Variants in RGS5 observed in about 807,000 individuals in gnomAD.
The protein encoded by RGS5 is regulator of G protein signaling 5.
RGS5 carries 20 observed loss-of-function variants against 18.9 expected under a neutral mutation model. The ratio of observed to expected loss-of-function variants is 1.06; its 90% CI spans 0.74 to 1.54. The LOEUF is 1.54. Ranked by LOEUF, RGS5 falls within the 40% of genes most tolerant of loss-of-function variation. The pLI is 0.00. For synonymous variants in RGS5, 57 were observed against 76.2 expected (o/e 0.75, Z 1.31); for missense variants, 201 against 211.8 (o/e 0.95, Z 0.32).
intron 1 of RGS5, chr1:163,210,876 T>TACAGA (rs2101670933): frequency 6.6e-6 from 1 of 152,360 alleles, no homozygotes; most frequent in East Asian, 1.9e-4. Context: ...ACGTTGGCTA[T>TACAGA]GCCTGGCTCT....
At chr1:163,265,679 A>C (rs1648557271) in intron 2 of RGS5, among the ~76,000 whole-genome samples, 1 of 152,052 alleles carries the variant, frequency 6.6e-6, no homozygotes. Flanking sequence ...TTCTGTTCCC[A>C]TTATCCTTTG....
At chr1:163,188,927 T>C (rs986253529) in intron 1 of RGS5, among the ~76,000 whole-genome samples, 1 of 121,052 alleles carries the variant, frequency 8.3e-6, no homozygotes, top group African/African-American at 3.2e-5. Context: ...CATACCAGCC[T>C]GGCAACAGAG....
intron 2 of RGS5, 74 bp from the exon 3 acceptor site, chr1:163,162,050 C>T (rs1657821982): frequency 2.1e-6 from 2 of 962,820 alleles, no homozygotes; most frequent in Admixed American, 1.7e-5. Context: ...GCAATAACTA[C>T]TTCCTGTTTC....
intron 2 of RGS5, among the ~76,000 whole-genome samples, chr1:163,240,228 T>C (rs1647752361): frequency 6.6e-6 from 1 of 151,310 alleles, no homozygotes; most frequent in Non-Finnish European, 1.5e-5. Flanking sequence ...AACAGAAAAA[T>C]AGACAAATAA....
upstream of RGS5, among the ~76,000 whole-genome samples, chr1:163,221,224 G>A (rs190183228): frequency 2.8e-3 from 426 of 152,262 alleles, 5 homozygotes; most frequent in Middle Eastern, 0.014. Context: ...GAGACCGGGC[G>A]CGGTGGCTCA....
intron 3 of RGS5, among the ~76,000 whole-genome samples, chr1:163,157,509 A>C (rs1188560604): frequency 6.6e-6 from 1 of 152,186 alleles, no homozygotes; most frequent in African/African-American, 2.4e-5. Flanking sequence ...ATTTTTTAGA[A>C]GCTTGGTACC....
At chr1:163,243,501 G>C (rs1647847253) in intron 2 of RGS5, among the ~76,000 whole-genome samples, 1 of 151,372 alleles carries the variant, frequency 6.6e-6, no homozygotes, top group South Asian at 2.1e-4. Flanking sequence ...CAAAAAATTA[G>C]CCGGGCTTGG....
chr1:163,241,053 T>C (rs1427976924), intron 2 of RGS5, among the ~76,000 whole-genome samples: 1 of 152,190 alleles, frequency 6.6e-6, no homozygotes, highest in Non-Finnish European at 1.5e-5. Flanking sequence ...TTTGGGTTTC[T>C]GCTAACTTGT....
intron 2 of RGS5, among the ~76,000 whole-genome samples, chr1:163,298,883 G>T (rs1250406963): frequency 6.6e-6 from 1 of 152,146 alleles, no homozygotes; most frequent in Non-Finnish European, 1.5e-5. Flanking sequence ...CTCAACAACT[G>T]CTACTATGCA....
intron 1 of RGS5, 26 bp from the exon 2 acceptor site, chr1:163,168,394 T>A: frequency 6.6e-7 from 1 of 1,508,666 alleles, no homozygotes; most frequent in Non-Finnish European, 9.2e-7. Context: ...CAAGGGGAAA[T>A]GAGGACACCA....
rs17362006 is a variant in RGS5 at position 163,199,462 on chromosome 1, T to C, written c.44+3330A>G. 7.3e-3 allele frequency among the ~76,000 whole-genome samples: 1,117 copies of C among 152,310 alleles called. 18 individuals are homozygous for C. The highest frequency in any genetic ancestry group is 6.1e-3 in the Non-Finnish European group (416 of 68,016). On this transcript the variant is annotated intron_variant, in intron 1 of 4. Transcript: ENST00000313961. ...CTTACATGTCATGGAAAAGTTAATC[T>C]TTGTTAATTGTTGAAATTTTCTTAC...
At chr1:163,198,435 T>A (rs1046345547) in intron 1 of RGS5, among the ~76,000 whole-genome samples, 1 of 152,112 alleles carries the variant, frequency 6.6e-6, no homozygotes, top group Non-Finnish European at 1.5e-5. Context: ...TATATTATGA[T>A]GATATTTAGA....
intron 1 of RGS5, among the ~76,000 whole-genome samples, chr1:163,169,349 A>C (rs2102402839): frequency 2.0e-5 from 3 of 152,296 alleles, no homozygotes; most frequent in African/African-American, 7.2e-5. Flanking sequence ...TTATAGCAGC[A>C]TGATTTATAA....
intron 2 of RGS5, among the ~76,000 whole-genome samples, chr1:163,273,783 G>A (rs968887406): frequency 4.6e-5 from 7 of 151,954 alleles, no homozygotes; most frequent in Non-Finnish European, 8.8e-5. Context: ...ATAATATATT[G>A]TATATCAGTA....
chr1:163,173,921 A>G (rs752310082), intron 1 of RGS5, among the ~76,000 whole-genome samples: 5 of 151,980 alleles, frequency 3.3e-5, no homozygotes, highest in Non-Finnish European at 5.9e-5. Flanking sequence ...TGAAAATACA[A>G]AAAAAATTAG....
intron 1 of RGS5, among the ~76,000 whole-genome samples, chr1:163,194,903 G>A (rs1659502271): frequency 6.6e-6 from 1 of 152,042 alleles, no homozygotes; most frequent in South Asian, 2.1e-4. Flanking sequence ...TTTGTAAGAA[G>A]AAATATACGT....
At chr1:163,312,476 G>C (rs1326412894) in intron 1 of RGS5, among the ~76,000 whole-genome samples, 1 of 152,152 alleles carries the variant, frequency 6.6e-6, no homozygotes, top group Non-Finnish European at 1.5e-5. Context: ...AGTGGTAGCT[G>C]AACTAAATTT....
At chr1:163,153,696 T>C (rs1411292406) in intron 3 of RGS5, among the ~76,000 whole-genome samples, 1 of 151,462 alleles carries the variant, frequency 6.6e-6, no homozygotes, top group Non-Finnish European at 1.5e-5. Context: ...ATAGATATAG[T>C]CTTTAATTGT....
At chr1:163,317,394 C>T (rs967896928) in intron 1 of RGS5, among the ~76,000 whole-genome samples, 1 of 152,170 alleles carries the variant, frequency 6.6e-6, no homozygotes, top group Non-Finnish European at 1.5e-5. Context: ...CTTCTGCCCT[C>T]ACAATTCAGT....
Sources: allele counts gnomAD v4.1 joint callset (sites outside exome capture counted in the v4.1 genomes callset), GRCh38; gene constraint gnomAD v4.1.1; transcripts MANE v1.5; gene names NCBI Gene and HGNC (gene_info 2026-07-23, HGNC 2026-07-21).